Variants in ADARB2 observed in about 807,000 individuals in gnomAD.
ADARB2 encodes the protein adenosine deaminase RNA specific B2 (inactive).
Under a neutral mutation model 62.2 loss-of-function variants are expected in ADARB2, and 25 were observed. The observed-to-expected ratio is 0.40, with a 90% CI of 0.29 to 0.56. ADARB2 has a LOEUF of 0.56. Ranked by LOEUF, ADARB2 falls within the 20% of genes least tolerant of loss-of-function variation. The probability of loss-of-function intolerance (pLI) is 0.43; values close to 1 mark genes in which losing one functional copy is unlikely to be tolerated. For synonymous variants in ADARB2, 572 were observed against 500.8 expected, an observed-to-expected ratio of 1.14 and a Z score of -1.90; for missense variants, 1,071 against 1,077.4, an observed-to-expected ratio of 0.99 and a Z score of 0.08.
At chr10:1,724,611 T>A (rs1255478533) in intron 1 of ADARB2, among the ~76,000 whole-genome samples, 6 of 152,226 alleles carry the variant, frequency 3.9e-5, no homozygotes, top group African/African-American at 1.2e-4. Context: ...AGGGTCCCAC[T>A]GTGCTCTCTG....
At chr10:1,194,360 G>A (rs1460415744) in intron 8 of ADARB2, among the ~76,000 whole-genome samples, 4 of 152,200 alleles carry the variant, frequency 2.6e-5, no homozygotes, top group East Asian at 3.8e-4. Flanking sequence ...GACTCTAGAC[G>A]TGCCACTGCC....
At chr10:1,453,876 T>C (rs1271104880) in intron 1 of ADARB2, among the ~76,000 whole-genome samples, 1 of 152,160 alleles carries the variant, frequency 6.6e-6, no homozygotes, top group Non-Finnish European at 1.5e-5. Flanking sequence ...TGTGCACTGA[T>C]GGTGGGAATG....
chr10:1,328,899 G>A (rs185623687), intron 3 of ADARB2, among the ~76,000 whole-genome samples: 85 of 151,062 alleles, frequency 5.6e-4, no homozygotes, highest in Non-Finnish European at 1.1e-3. Flanking sequence ...GGCTGAGGTG[G>A]GAGAATCACC....
intron 8 of ADARB2, chr10:1,186,648 G>T: frequency 2.1e-6 from 1 of 487,692 alleles, no homozygotes; most frequent in East Asian, 6.0e-5. Flanking sequence ...CTGAGTTCTC[G>T]GGGGCCCGTC....
At chr10:1,244,906 C>T (rs1397288621) in intron 4 of ADARB2, among the ~76,000 whole-genome samples, 4 of 152,152 alleles carry the variant, frequency 2.6e-5, no homozygotes, top group African/African-American at 4.8e-5. Flanking sequence ...CGTTGGAGCC[C>T]GTAGGAGATG....
At chr10:1,725,689 G>A (rs1428020303) in intron 1 of ADARB2, among the ~76,000 whole-genome samples, 1 of 152,218 alleles carries the variant, frequency 6.6e-6, no homozygotes, top group Non-Finnish European at 1.5e-5. Context: ...CCACGCTGCC[G>A]CACTCGTATC....
chr10:1,556,639 C>CACA (rs1229034837), intron 1 of ADARB2: 1 of 531,496 alleles, frequency 1.9e-6, no homozygotes, highest in Non-Finnish European at 3.9e-6. Flanking sequence ...TGTCTGTTCT[C>CACA]ACATCACATT....
intron 1 of ADARB2, among the ~76,000 whole-genome samples, chr10:1,472,197 G>A (rs190208070): frequency 9.2e-5 from 14 of 152,304 alleles, no homozygotes; most frequent in Admixed American, 4.6e-4. Context: ...CACAATGGCC[G>A]TGTGTAGGGT....
intron 1 of ADARB2, among the ~76,000 whole-genome samples, chr10:1,520,810 G>C (rs1039921817): frequency 1.3e-5 from 2 of 152,154 alleles, no homozygotes; most frequent in Non-Finnish European, 1.5e-5. Context: ...GCTTCTCAGA[G>C]AACACTATTT....
At chr10:1,298,754 T>A (rs1831546938) in intron 3 of ADARB2, among the ~76,000 whole-genome samples, 1 of 59,936 alleles carries the variant, frequency 1.7e-5, no homozygotes, top group African/African-American at 4.7e-5. Flanking sequence ...TTTTTTTTTT[T>A]TTTTTTTTTT....
chr10:1,469,355 C>A lies in ADARB2; in HGVS notation c.101-90195G>T, dbSNP rs543427528. Among the ~76,000 whole-genome samples, 43 of 152,314 alleles carry A rather than the reference C, an allele frequency of 2.8e-4. 1 individual carries two copies. The South Asian group carries it at 8.3e-3, about 29-fold the overall frequency. On this transcript the variant is annotated intron_variant, in intron 1 of 9. Coordinates refer to ENST00000381312, the MANE Select transcript of ADARB2 (RefSeq NM_018702.4). The stretch of plus-strand genomic sequence containing the variant: ...CATCTCTAAGTCCACCGTCTTTATT[C>A]TCTTCCCTATTTGGATTTCTTTTTC...
At chr10:1,596,256 A>G (rs1223171657) in intron 1 of ADARB2, among the ~76,000 whole-genome samples, 2 of 152,378 alleles carry the variant, frequency 1.3e-5, no homozygotes, top group South Asian at 2.1e-4. Context: ...ATGGGCATCA[A>G]TTGGAACATC....
chr10:1,502,191 AG>A (rs1171409000), intron 1 of ADARB2, among the ~76,000 whole-genome samples: 1 of 152,240 alleles, frequency 6.6e-6, no homozygotes, highest in Non-Finnish European at 1.5e-5. Context: ...CACCAGCCTC[AG>A]TGGGGGCCCG....
At chr10:1,691,156 C>T (rs535975392) in intron 1 of ADARB2, among the ~76,000 whole-genome samples, 10 of 152,238 alleles carry the variant, frequency 6.6e-5, no homozygotes, top group Admixed American at 1.3e-4. Context: ...GGGCTTCATC[C>T]AATAGGACTT....
intron 1 of ADARB2, among the ~76,000 whole-genome samples, chr10:1,665,030 C>T (rs1834297819): frequency 6.6e-6 from 1 of 152,128 alleles, no homozygotes; most frequent in East Asian, 1.9e-4. Flanking sequence ...ACACCTTGAC[C>T]AGGGGCAAGG....
chr10:1,434,950 C>T (rs914795666), intron 1 of ADARB2, among the ~76,000 whole-genome samples: 3 of 152,222 alleles, frequency 2.0e-5, no homozygotes, highest in Non-Finnish European at 2.9e-5. Context: ...ATCTGCATCT[C>T]GTTATTGGGC....
At chr10:1,660,230 C>T (rs910529804) in intron 1 of ADARB2, among the ~76,000 whole-genome samples, 1 of 152,264 alleles carries the variant, frequency 6.6e-6, no homozygotes, top group Admixed American at 6.5e-5. Flanking sequence ...AAAGCACTGG[C>T]TACTTCCTGG....
intron 1 of ADARB2, among the ~76,000 whole-genome samples, chr10:1,438,466 A>AG (rs1830860082): frequency 1.7e-5 from 2 of 115,446 alleles, no homozygotes; most frequent in Non-Finnish European, 3.4e-5. Context: ...GGTGGACAGA[A>AG]GCAGGTTCTT....
intron 1 of ADARB2, among the ~76,000 whole-genome samples, chr10:1,717,550 T>C (rs916920433): frequency 2.0e-5 from 3 of 151,406 alleles, no homozygotes; most frequent in Admixed American, 2.0e-4. Flanking sequence ...CCTTTCCTTT[T>C]TCCTTCCTTC....
Sources: gnomAD v4.1 joint callset for allele counts (sites outside exome capture counted in the v4.1 genomes callset) on GRCh38, gnomAD v4.1.1 for gene constraint, MANE v1.5 for transcripts, NCBI Gene and HGNC (gene_info 2026-07-23, HGNC 2026-07-21) for gene names.